SUZ12: variants seen among roughly 807,000 people sequenced by gnomAD.
SUZ12 encodes polycomb protein SUZ12.
SUZ12 carries 17 observed loss-of-function variants against 87.3 expected under a neutral mutation model. The ratio of observed to expected loss-of-function variants is 0.19; its 90% CI spans 0.13 to 0.29. The LOEUF (loss-of-function observed/expected upper bound fraction) is 0.29. Among genes scored for constraint, SUZ12 ranks in the 10% least tolerant of loss-of-function variants. The pLI, the probability that SUZ12 is intolerant of heterozygous loss-of-function variation, is 1.00. For synonymous variants in SUZ12, 253 were observed against 312.4 expected (o/e 0.81, Z 2.01); for missense variants, 526 against 912.2 (o/e 0.58, Z 5.45).
chr17:31,954,633 A>C (rs752511785), intron 4 of SUZ12, among the ~76,000 whole-genome samples: 81 of 152,102 alleles, frequency 5.3e-4, no homozygotes, highest in Non-Finnish European at 1.5e-4. Flanking sequence ...AGTGCTGGGA[A>C]AGAAAAGCAT....
chr17:31,937,142 C>G lies in SUZ12; in HGVS notation c.-105C>G, dbSNP rs1387641133. The G allele has an allele frequency of 1.5e-5, 15 of 1,008,378 alleles. No homozygotes were observed. Among genetic ancestry groups the G allele is most frequent in the African/African-American group, 3.4e-5 (2 of 58,740 alleles). 62.5% of individuals were successfully genotyped at this position (1,008,378 alleles called of 1,614,324 possible). A position where few individuals can be genotyped will look rare whatever the true frequency, so the allele number is the denominator to read the frequency against. ...CTCCTCCCCTCTCTCCTCCTTCCCC[C>G]CTCGGTCCGCCGGAGCCTGCTGGGG... On this transcript the variant is annotated 5_prime_UTR_variant, in exon 1 of 16. Transcript: ENST00000322652.
At chr17:31,995,091 C>T (rs929751731) in intron 13 of SUZ12, among the ~76,000 whole-genome samples, 57 of 151,950 alleles carry the variant, frequency 3.8e-4, no homozygotes, top group Admixed American at 3.3e-3. Context: ...AGCAAAACTT[C>T]GTCTCAAATA....
chr17:31,974,482 G>C (rs1409197056), intron 6 of SUZ12, among the ~76,000 whole-genome samples: 1 of 152,096 alleles, frequency 6.6e-6, no homozygotes, highest in Non-Finnish European at 1.5e-5. Flanking sequence ...AGCCGAGATC[G>C]CACAACTGCA....
intron 6 of SUZ12, among the ~76,000 whole-genome samples, chr17:31,974,718 G>A (rs951240672): frequency 6.6e-6 from 1 of 152,118 alleles, no homozygotes; most frequent in Admixed American, 6.6e-5. Flanking sequence ...GGGTGGGTGA[G>A]AATTCATAGT....
At chr17:31,968,498 C>T (rs537059549) in intron 5 of SUZ12, among the ~76,000 whole-genome samples, 48 of 152,228 alleles carry the variant, frequency 3.2e-4, no homozygotes, top group African/African-American at 1.1e-3. Context: ...TCCCAAAGTG[C>T]GGGGATTACA....
chr17:31,941,840 TGCCCA>T (rs1906305610), intron 3 of SUZ12, among the ~76,000 whole-genome samples: 1 of 146,580 alleles, frequency 6.8e-6, no homozygotes, highest in African/African-American at 2.5e-5. Flanking sequence ...TGAGCCACCA[TGCCCA>T]GCCTGACCTT....
At chr17:31,959,813 C>G (rs1231929837) in intron 4 of SUZ12, among the ~76,000 whole-genome samples, 1 of 152,164 alleles carries the variant, frequency 6.6e-6, no homozygotes, top group African/African-American at 2.4e-5. Context: ...AGCTTAGCAT[C>G]ATTTTCTGTA....
At position 31,955,860 on chromosome 17, in the gene SUZ12, G is replaced by A. The variant is rs139033787; in HGVS notation, c.455+8175G>A. Among the ~76,000 whole-genome samples the A allele has an allele frequency of 2.6e-3, 399 of 152,100 alleles. 4 individuals are homozygous for A. The highest frequency in any genetic ancestry group is 9.1e-3 in the African/African-American group (378 of 41,502). On this transcript the variant is annotated intron_variant, in intron 4 of 15. Transcript: ENST00000322652. The stretch of plus-strand genomic sequence containing the variant: ...GCCTCTCAAAGCATTGAGATTACAA[G>A]TGTGAACCATTACACCCAGCCTGTT...
At chr17:31,965,495 C>A (rs775625345) in intron 4 of SUZ12, among the ~76,000 whole-genome samples, 1 of 152,122 alleles carries the variant, frequency 6.6e-6, no homozygotes, top group Non-Finnish European at 1.5e-5. Flanking sequence ...CTTGCTTTTG[C>A]TTTTCCATAG....
chr17:31,947,796 A>T, intron 4 of SUZ12, 111 bp downstream of exon 4: 1 of 1,190,562 alleles, frequency 8.4e-7, no homozygotes, highest in African/African-American at 1.5e-5. Flanking sequence ...AAGGAATCTT[A>T]GAGGTCAGTT....
chr17:31,949,676 C>CGTTTTT (rs1906839689), intron 4 of SUZ12, among the ~76,000 whole-genome samples: 23 of 12,390 alleles, frequency 1.9e-3, no homozygotes, highest in African/African-American at 6.6e-3. Context: ...CCCCCCCCCC[C>CGTTTTT]TTTTTTTTTT....
At chr17:31,937,547 AG>A (rs1906014077) in intron 1 of SUZ12, 27 bp downstream of exon 1, 1 of 1,531,488 alleles carries the variant, frequency 6.5e-7, no homozygotes, top group African/African-American at 1.4e-5. Context: ...CTTTGAGGGC[AG>A]GAAGACCCAC....
At chr17:31,968,822 GTAGAACACA>G (rs1429290090) in intron 5 of SUZ12, among the ~76,000 whole-genome samples, 1 of 152,130 alleles carries the variant, frequency 6.6e-6, no homozygotes, top group East Asian at 1.9e-4. Context: ...AGGGACCTGT[GTAGAACACA>G]TAGTTTATCC....
intron 4 of SUZ12, among the ~76,000 whole-genome samples, chr17:31,953,514 C>A (rs1219973108): frequency 6.6e-6 from 1 of 151,990 alleles, no homozygotes; most frequent in Non-Finnish European, 1.5e-5. Context: ...CTAAAGGGAT[C>A]CTCCTGCCTC....
chr17:31,966,987 CAGG>C (rs1908130834), intron 5 of SUZ12: 2 of 151,426 alleles, frequency 1.3e-5, no homozygotes, highest in South Asian at 4.2e-4. Flanking sequence ...TCAGGATGTT[CAGG>C]AGTTCAGGAG....
intron 6 of SUZ12, among the ~76,000 whole-genome samples, chr17:31,973,885 A>C (rs1908582465): frequency 6.6e-6 from 1 of 152,124 alleles, no homozygotes; most frequent in Non-Finnish European, 1.5e-5. Flanking sequence ...ACTGGGAGGG[A>C]GTAGACTAAG....
At chr17:31,960,245 CTGT>C (rs1211336485) in intron 4 of SUZ12, among the ~76,000 whole-genome samples, 2 of 152,006 alleles carry the variant, frequency 1.3e-5, no homozygotes, top group African/African-American at 4.8e-5. Flanking sequence ...GGGTCTCGCT[CTGT>C]TGCCCAGGTT....
chr17:31,971,699 C>T (rs534484925), intron 5 of SUZ12, among the ~76,000 whole-genome samples: 5 of 151,848 alleles, frequency 3.3e-5, no homozygotes, highest in African/African-American at 4.8e-5. Context: ...CTAAGTGCTG[C>T]GATTATAGGC....
chr17:31,974,745 TATAAAATAGAA>T (rs1373933269), intron 6 of SUZ12, among the ~76,000 whole-genome samples: 1 of 152,206 alleles, frequency 6.6e-6, no homozygotes, highest in East Asian at 1.9e-4. Flanking sequence ...TTTATAGTCT[TATAAAATAGAA>T]ATTTTTTTAG....
Sources: gnomAD v4.1 joint callset for allele counts (sites outside exome capture counted in the v4.1 genomes callset) on GRCh38, gnomAD v4.1.1 for gene constraint, MANE v1.5 for transcripts, NCBI Gene and HGNC (gene_info 2026-07-23, HGNC 2026-07-21) for gene names.